Variants in FAM83A observed in about 807,000 individuals in gnomAD.
The protein encoded by FAM83A is protein FAM83A.
FAM83A carries 21 observed loss-of-function variants against 24.4 expected under a neutral mutation model. The ratio of observed to expected loss-of-function variants is 0.86; its 90% CI spans 0.61 to 1.24. FAM83A has a LOEUF of 1.24. Ranked by LOEUF, FAM83A falls within the 50% of genes most tolerant of loss-of-function variation. The pLI, the probability that FAM83A is intolerant of heterozygous loss-of-function variation, is 0.00. For missense variants in FAM83A, 617 were observed against 579.8 expected (o/e 1.06, Z -0.66); for synonymous variants, 270 against 252.4 (o/e 1.07, Z -0.66).
At chr8:123,200,314 T>C (rs923692014) in intron 3 of FAM83A, among the ~76,000 whole-genome samples, 8 of 152,294 alleles carry the variant, frequency 5.3e-5, no homozygotes, top group Admixed American at 5.2e-4. Context: ...GTGATTTACA[T>C]ACAGCTAAAA....
chr8:123,200,957 CAAAAAAA>C (rs11322028), intron 3 of FAM83A, among the ~76,000 whole-genome samples: 3 of 127,310 alleles, frequency 2.4e-5, no homozygotes, highest in Admixed American at 7.7e-5. Context: ...AACAAATAAA[CAAAAAAA>C]AAAAATATAT....
chr8:123,181,207 A>G (rs955183890), upstream of FAM83A, among the ~76,000 whole-genome samples: 1 of 152,198 alleles, frequency 6.6e-6, no homozygotes, highest in African/African-American at 2.4e-5. Context: ...TTGGCCTCCC[A>G]AAGTGCTGGG....
chr8:123,207,115 TC>T (rs1824578112), intron 3 of FAM83A, 41 bp from the exon 4 acceptor site: 1 of 845,056 alleles, frequency 1.2e-6, no homozygotes, highest in Non-Finnish European at 1.6e-6. Context: ...TCCCCATCCT[TC>T]CCCCTTCTCC....
chr8:123,201,521 C>T (rs1018728791), intron 3 of FAM83A: 1 of 152,248 alleles, frequency 6.6e-6, no homozygotes, highest in Non-Finnish European at 1.5e-5. Flanking sequence ...TGCTTACTAG[C>T]CTTTCAGGGG....
chr8:123,203,680 T>C (rs1824442355), intron 3 of FAM83A, among the ~76,000 whole-genome samples: 1 of 149,892 alleles, frequency 6.7e-6, no homozygotes, highest in Non-Finnish European at 1.5e-5. Flanking sequence ...TGGAAGCAGC[T>C]ATTCAAGATG....
At chr8:123,179,907 A>T (rs1360877951), upstream of FAM83A, 5 of 152,172 alleles carry the variant, frequency 3.3e-5, no homozygotes, top group African/African-American at 7.2e-5. Flanking sequence ...ACCTACTTTT[A>T]AAATTCTCCC....
At position 123,194,273 on chromosome 8, in the gene FAM83A, G is replaced by A. The variant is rs111752441; in HGVS notation, c.773+125G>A. The A allele has an allele frequency of 4.3e-4, 568 of 1,320,282 alleles. 3 individuals carry two copies. The African/African-American group carries it at 5.9e-3, about 14-fold the overall frequency. 81.8% of individuals were successfully genotyped at this position (1,320,282 alleles called of 1,614,324 possible). On this transcript the variant is annotated intron_variant, in intron 3 of 3. Coordinates refer to ENST00000690554, the Ensembl canonical transcript of FAM83A. Reference sequence around the variant, plus strand: ...GCTCCCAGAAGGTCTCCCTCTGCCCGGAGCTGGAGCTGCATCACATAGATG... The same window carrying A: ...GCTCCCAGAAGGTCTCCCTCTGCCCAGAGCTGGAGCTGCATCACATAGATG...
chr8:123,199,374 A>C (rs1048273241), intron 3 of FAM83A, among the ~76,000 whole-genome samples: 8 of 152,232 alleles, frequency 5.3e-5, no homozygotes, highest in Admixed American at 2.0e-4. Context: ...TTTATGCTTA[A>C]CTAACATTGG....
chr8:123,180,053 T>G (rs1823558039), upstream of FAM83A: 1 of 152,224 alleles, frequency 6.6e-6, no homozygotes, highest in African/African-American at 2.4e-5. Flanking sequence ...CTAAGTGATC[T>G]TGGGCAAGTA....
exon 4 of FAM83A, chr8:123,208,965 G>GAA (rs371147342): frequency 2.6e-4 from 238 of 903,646 alleles, no homozygotes; most frequent in East Asian, 6.6e-4. Context: ...CTCCGTCACA[G>GAA]AAAAAAAAAA....
At chr8:123,200,506 G>C (rs1435541162) in intron 3 of FAM83A, among the ~76,000 whole-genome samples, 1 of 152,160 alleles carries the variant, frequency 6.6e-6, no homozygotes, top group East Asian at 1.9e-4. Context: ...GTCAGGGACT[G>C]GGCCAGGTGT....
intron 1 of FAM83A, among the ~76,000 whole-genome samples, chr8:123,185,357 G>A (rs1352085093): frequency 3.9e-5 from 6 of 152,130 alleles, no homozygotes; most frequent in Admixed American, 6.5e-5. Flanking sequence ...GCAGCTGCTC[G>A]AAGGGTGAGG....
At chr8:123,207,378 C>T (rs928256681) in exon 4 of FAM83A, 1 of 1,611,668 alleles carries the variant, frequency 6.2e-7, no homozygotes, top group Non-Finnish European at 8.5e-7. Flanking sequence ...CGCACGTCCT[C>T]CAACCCCTTC....
At chr8:123,190,074 C>A (rs989976931) in intron 1 of FAM83A, among the ~76,000 whole-genome samples, 1 of 151,926 alleles carries the variant, frequency 6.6e-6, no homozygotes, top group African/African-American at 2.4e-5. Flanking sequence ...CTCCTGTAAT[C>A]CCAGCAATTT....
intron 3 of FAM83A, among the ~76,000 whole-genome samples, chr8:123,203,822 G>A (rs977100197): frequency 2.7e-5 from 4 of 150,832 alleles, no homozygotes; most frequent in Non-Finnish European, 5.9e-5. Context: ...CAAAAAATTA[G>A]CCAGCATTGT....
At chr8:123,203,840 C>G (rs1309209509) in intron 3 of FAM83A, among the ~76,000 whole-genome samples, 1 of 150,840 alleles carries the variant, frequency 6.6e-6, no homozygotes, top group East Asian at 2.0e-4. Context: ...TGTTGTAACC[C>G]CAGTTACTTA....
exon 4 of FAM83A, chr8:123,207,415 C>T (rs1428659936): frequency 2.5e-6 from 4 of 1,610,206 alleles, no homozygotes; most frequent in African/African-American, 2.7e-5. Flanking sequence ...GCAGCCACCC[C>T]GGTACCCGAA....
chr8:123,194,019 A>C lies in FAM83A; in HGVS notation c.649-5A>C. On this transcript the variant is annotated splice_polypyrimidine_tract_variant and splice_region_variant and intron_variant, in intron 2 of 3. Transcript: ENST00000690554. ...GAAGTGACACCTTGACTTTCCCTCC[A>C]ACAGAACATTTCCATCCGGAGTGTG... 1 of 1,614,136 alleles carries C rather than the reference A, an allele frequency of 6.2e-7. No individual in the cohort carries two copies. The highest frequency in any genetic ancestry group is 2.2e-5 in the East Asian group (1 of 44,886).
intron 3 of FAM83A, among the ~76,000 whole-genome samples, chr8:123,205,695 TC>T (rs138228595): frequency 0.01 from 1,532 of 152,002 alleles, 22 homozygotes; most frequent in African/African-American, 0.035. Context: ...GACCATCCTC[TC>T]CCTCTTGCTT....
Sources: gnomAD v4.1 joint callset for allele counts (sites outside exome capture counted in the v4.1 genomes callset) on GRCh38, gnomAD v4.1.1 for gene constraint, MANE v1.5 for transcripts, NCBI Gene and HGNC (gene_info 2026-07-23, HGNC 2026-07-21) for gene names.